Variants in MAT2B observed in about 807,000 individuals in gnomAD.
The protein encoded by MAT2B is methionine adenosyltransferase 2 non-catalytic beta subunit, also known as methionine adenosyltransferase 2 subunit beta.
Under a neutral mutation model 36.1 loss-of-function variants are expected in MAT2B, and 16 were observed. That is an observed-to-expected ratio of 0.44 (90% CI 0.30 to 0.67). MAT2B has a LOEUF of 0.67. Among genes scored for constraint, MAT2B ranks in the 30% least tolerant of loss-of-function variants. The pLI is 0.09. For synonymous variants in MAT2B, 148 were observed against 136.9 expected (o/e 1.08, Z -0.57); for missense variants, 332 against 398.2 (o/e 0.83, Z 1.42).
chr5:163,517,705 C>G, intron 6 of MAT2B, 31 bp downstream of exon 6: 1 of 1,256,618 alleles, frequency 8.0e-7, no homozygotes, highest in Middle Eastern at 1.9e-4. Context: ...ACCTTTAGAT[C>G]CATTGCTATG....
intron 1 of MAT2B, 108 bp downstream of exon 1, chr5:163,505,857 C>A (rs1184487243): frequency 1.1e-6 from 1 of 910,732 alleles, no homozygotes; most frequent in Non-Finnish European, 1.5e-6. Context: ...GTCAGAGCCT[C>A]CGGCCGGGAG....
chr5:163,510,681 A>G (rs11958615), intron 1 of MAT2B, among the ~76,000 whole-genome samples: 1,812 of 152,156 alleles, frequency 0.012, 39 homozygotes, highest in African/African-American at 0.042. Context: ...ACAGGCATGA[A>G]CCACTGCACC....
chr5:163,508,120 C>T (rs575742655), intron 1 of MAT2B, among the ~76,000 whole-genome samples: 32 of 152,174 alleles, frequency 2.1e-4, no homozygotes, highest in Non-Finnish European at 4.3e-4. Flanking sequence ...TTTGACTTGA[C>T]CAGAGAAGCA....
At chr5:163,517,832 G>T (rs1760156818) in intron 6 of MAT2B, 158 bp downstream of exon 6, 2 of 545,954 alleles carry the variant, frequency 3.7e-6, no homozygotes. Flanking sequence ...CTGTAGAGAA[G>T]ATCATGAGTA....
At chr5:163,514,473 C>G (rs1487781445) in intron 4 of MAT2B, among the ~76,000 whole-genome samples, 1 of 152,144 alleles carries the variant, frequency 6.6e-6, no homozygotes, top group African/African-American at 2.4e-5. Flanking sequence ...AAAGTATACA[C>G]TCCTTAGAAA....
Position 163,513,838 on chromosome 5 carries a change from G to A in MAT2B, c.374-4G>A, listed in dbSNP as rs766945808. 4.4e-6 allele frequency: 7 copies of A among 1,598,274 alleles called. No individual in the cohort carries two copies. Among genetic ancestry groups the A allele is most frequent in the Non-Finnish European group, 6.0e-6 (7 of 1,174,626 alleles). On this transcript the variant is annotated splice_polypyrimidine_tract_variant and splice_region_variant and intron_variant, in intron 3 of 6. Transcript: ENST00000321757. The stretch of plus-strand genomic sequence containing the variant: ...TTTAATAGATTTGTCTTCTTTTTTT[G>A]TAGCTGCTGTTGGAGCATTTCTCAT...
chr5:163,505,444 T>C (rs1759910512), upstream of MAT2B: 2 of 1,012,126 alleles, frequency 2.0e-6, no homozygotes, highest in Non-Finnish European at 1.3e-6. Flanking sequence ...CTTTCTTTTG[T>C]GTGTCGCTTT....
At chr5:163,511,449 TTTTTTTTTTTTTTTG>T (rs1581213698) in intron 1 of MAT2B, among the ~76,000 whole-genome samples, 2 of 141,300 alleles carry the variant, frequency 1.4e-5, no homozygotes, top group East Asian at 4.1e-4. Context: ...CTTTTTTTTT[TTTTTTTTTTTTTTTG>T]GAAGGACGGG....
intron 3 of MAT2B, 38 bp from the exon 4 acceptor site, chr5:163,513,804 A>G (rs895134805): frequency 2.5e-6 from 4 of 1,583,684 alleles, no homozygotes; most frequent in East Asian, 2.2e-5. Flanking sequence ...GAGTAATGTC[A>G]TGTAAACATT....
chr5:163,517,787 G>T (rs1760156185), intron 6 of MAT2B, 113 bp downstream of exon 6: 3 of 632,672 alleles, frequency 4.7e-6, no homozygotes, highest in Non-Finnish European at 8.7e-6. Flanking sequence ...TTGTATGCTG[G>T]CTGTTCATAG....
At chr5:163,517,269 GTT>G (rs1760147653) in intron 5 of MAT2B, 1 of 219,352 alleles carries the variant, frequency 4.6e-6, no homozygotes, top group Admixed American at 5.1e-5. Flanking sequence ...AAATTGTACT[GTT>G]TTCATAAAAA....
At position 163,509,198 on chromosome 5, in the gene MAT2B, CTG is replaced by C. The variant is rs368806016; in HGVS notation, c.64-2802_64-2801del. 4.6e-3 allele frequency among the ~76,000 whole-genome samples: 705 copies of C among 152,134 alleles called. 7 individuals carry two copies. The highest frequency in any genetic ancestry group is 0.024 in the Middle Eastern group (7 of 294). On this transcript the variant is annotated intron_variant, in intron 1 of 6. Transcript: ENST00000321757. ...TCATTTAACAGATGTTAAAATGAAA[CTG>C]TACTTCACAGAGTCAGTGAAGTACA...
upstream of MAT2B, chr5:163,505,481 G>A (rs1759911983): frequency 3.3e-6 from 4 of 1,225,234 alleles, no homozygotes; most frequent in Non-Finnish European, 4.1e-6. Flanking sequence ...GCTGGGGGCA[G>A]ACCGCGCGTA....
intron 4 of MAT2B, among the ~76,000 whole-genome samples, chr5:163,514,347 A>G (rs934565685): frequency 1.3e-5 from 2 of 152,186 alleles, no homozygotes; most frequent in Non-Finnish European, 2.9e-5. Flanking sequence ...TTATATGTGT[A>G]TGTATTTTGT....
rs66978639 is a variant in MAT2B, at chr5:163,515,770, C to CTTTTTTTTTTTTTT, written c.527-735_527-722dup. On this transcript the variant is annotated intron_variant, in intron 4 of 6. Transcript: ENST00000321757. ...TTAACAAATGTGGTTTTGCCTTTTT[C>CTTTTTTTTTTTTTT]TTTTTTTTTTTTTTTTTTTTTTTTT... is the stretch of plus-strand genomic sequence containing the variant. 2.3e-4 allele frequency among the ~76,000 whole-genome samples: 16 copies of CTTTTTTTTTTTTTT among 69,814 alleles called. 4 individuals are homozygous for CTTTTTTTTTTTTTT. The East Asian group carries it at 2.4e-3, about 11-fold the overall frequency. 45.8% of individuals were successfully genotyped at this position (69,814 alleles called of 152,430 possible). A position where few individuals can be genotyped will look rare whatever the true frequency, so the allele number is the denominator to read the frequency against.
Position 163,513,679 on chromosome 5 carries a change from A to G in MAT2B, c.373+10A>G, listed in dbSNP as rs992759230. 2.7e-5 allele frequency: 43 copies of G among 1,598,046 alleles called. No homozygotes were observed. The East Asian group carries it at 9.2e-4, about 34-fold the overall frequency. On this transcript the variant is annotated intron_variant, in intron 3 of 6. Transcript: ENST00000321757. ...TTAGCAAAGGAAGCAGGTAATGATGACTTTATAAAATTTTCATAAAATATT... is the reference window on the plus strand; with the variant it reads ...TTAGCAAAGGAAGCAGGTAATGATGGCTTTATAAAATTTTCATAAAATATT...
chr5:163,514,207 C>T (rs1271178225), intron 4 of MAT2B, among the ~76,000 whole-genome samples: 2 of 152,140 alleles, frequency 1.3e-5, no homozygotes, highest in Admixed American at 6.5e-5. Context: ...TTTACATATT[C>T]ATCTTTACAC....
chr5:163,514,367 TTC>T (rs1218626344), intron 4 of MAT2B, among the ~76,000 whole-genome samples: 19 of 152,246 alleles, frequency 1.2e-4, no homozygotes, highest in Non-Finnish European at 2.5e-4. Context: ...TTTTTATGTA[TTC>T]TGTTATATGT....
rs375373757 is a variant in MAT2B, at chr5:163,505,668, C to A, written c.-19C>A. 2 of 1,277,116 alleles carry A rather than the reference C, an allele frequency of 1.6e-6. No homozygotes were observed. The highest frequency in any genetic ancestry group is 3.0e-5 in the East Asian group (1 of 33,578). The allele number at this position is 1,277,116 out of a possible 1,614,324, so 79.1% of individuals were successfully genotyped here. On this transcript the variant is annotated 5_prime_UTR_variant, in exon 1 of 7. Coordinates refer to ENST00000321757, the MANE Select transcript of MAT2B (RefSeq NM_013283.5). Reference sequence around the variant, plus strand: ...GAGGAGGTGGCGGCCGCTGAGGCTGCGGCGTGAAGACGGCGGGCATGGTGG... The same window carrying A: ...GAGGAGGTGGCGGCCGCTGAGGCTGAGGCGTGAAGACGGCGGGCATGGTGG...
Sources: gnomAD v4.1 joint callset for allele counts (sites outside exome capture counted in the v4.1 genomes callset) on GRCh38, gnomAD v4.1.1 for gene constraint, MANE v1.5 for transcripts, NCBI Gene and HGNC (gene_info 2026-07-23, HGNC 2026-07-21) for gene names.